Variants in ZFAND3 observed in about 807,000 individuals in gnomAD.
The protein encoded by ZFAND3 is zinc finger AN1-type containing 3, also known as AN1-type zinc finger protein 3.
Under a neutral mutation model 29.6 loss-of-function variants are expected in ZFAND3, and 10 were observed. That is an observed-to-expected ratio of 0.34 (90% CI 0.21 to 0.57). ZFAND3 has a LOEUF of 0.57. Ranked by LOEUF, ZFAND3 falls within the 20% of genes least tolerant of loss-of-function variation. ZFAND3 has a pLI of 0.86. For synonymous variants in ZFAND3, 128 were observed against 112.6 expected (o/e 1.14, Z -0.87); for missense variants, 230 against 304.5 (o/e 0.76, Z 1.82).
chr6:37,848,874 A>G lies in ZFAND3; in HGVS notation c.71+28858A>G, dbSNP rs73730820. On this transcript the variant is annotated intron_variant, in intron 1 of 5. Coordinates refer to ENST00000287218, the MANE Select transcript of ZFAND3 (RefSeq NM_021943.3). ...GCTGAAGACAATTATAGACAGGCAT[A>G]AGAGAATTGTTGAGAGAGCTGTCAG... Among the ~76,000 whole-genome samples, 807 of 152,294 alleles carry G rather than the reference A, an allele frequency of 5.3e-3. 11 individuals carry two copies. The highest frequency in any genetic ancestry group is 0.018 in the African/African-American group (749 of 41,560).
chr6:37,974,447 C>CA (rs1762446499), intron 2 of ZFAND3, among the ~76,000 whole-genome samples: 1 of 125,076 alleles, frequency 8.0e-6, no homozygotes, highest in Admixed American at 9.8e-5. Context: ...CTGTGTTGTT[C>CA]AGGCTGGAGG....
chr6:37,931,217 TTG>T (rs1761588617), intron 2 of ZFAND3, among the ~76,000 whole-genome samples: 6 of 152,096 alleles, frequency 3.9e-5, no homozygotes, highest in Admixed American at 1.3e-4. Flanking sequence ...GGATTCACAG[TTG>T]TAAGCCCTTT....
In ZFAND3 at chr6:38,144,184, A is replaced by ATATATATATATT. The variant is rs66561715; in HGVS notation, c.530-8051_530-8050insTATATATATATT. On this transcript the variant is annotated intron_variant, in intron 5 of 5. Coordinates refer to ENST00000287218, the MANE Select transcript of ZFAND3 (RefSeq NM_021943.3). ...CTAGAAAAATGTGATATATATATAT[A>ATATATATATATT]ATATATATATATATATATATATATA... is the stretch of plus-strand genomic sequence containing the variant. Among the ~76,000 whole-genome samples, 64 of 42,524 alleles carry ATATATATATATT rather than the reference A, an allele frequency of 1.5e-3. 1 individual carries two copies. Among genetic ancestry groups the ATATATATATATT allele is most frequent in the East Asian group, 3.9e-3 (7 of 1,804 alleles). The allele number at this position is 42,524 out of a possible 152,430, so 27.9% of individuals were successfully genotyped here.
intron 4 of ZFAND3, among the ~76,000 whole-genome samples, chr6:38,112,288 C>G (rs921921895): frequency 6.6e-6 from 1 of 151,518 alleles, no homozygotes; most frequent in Admixed American, 6.6e-5. Flanking sequence ...TAAAAGCATA[C>G]TGGAAAAAAA....
intron 5 of ZFAND3, among the ~76,000 whole-genome samples, chr6:38,129,886 CTGAATT>C: frequency 6.6e-6 from 1 of 151,502 alleles, no homozygotes; most frequent in East Asian, 1.9e-4. Flanking sequence ...GAGAATTGCA[CTGAATT>C]TGTAGATTGC....
chr6:38,031,218 C>T (rs777172545), intron 2 of ZFAND3, among the ~76,000 whole-genome samples: 15 of 152,074 alleles, frequency 9.9e-5, no homozygotes, highest in Non-Finnish European at 1.9e-4. Flanking sequence ...TTTGGGTCCC[C>T]TCTTTTTCAA....
chr6:38,139,441 T>G (rs1436358484), intron 5 of ZFAND3, among the ~76,000 whole-genome samples: 1 of 152,144 alleles, frequency 6.6e-6, no homozygotes, highest in Non-Finnish European at 1.5e-5. Flanking sequence ...AAGGAAAAGT[T>G]CAAGATGCCT....
intron 4 of ZFAND3, chr6:38,088,320 T>C (rs910911893): frequency 3.3e-5 from 5 of 152,186 alleles, no homozygotes; most frequent in African/African-American, 1.2e-4. Context: ...TTCTCTTTTA[T>C]TTGTGGGATC....
At chr6:38,090,675 TCTA>T (rs1226052506) in intron 4 of ZFAND3, among the ~76,000 whole-genome samples, 1 of 152,222 alleles carries the variant, frequency 6.6e-6, no homozygotes, top group Non-Finnish European at 1.5e-5. Flanking sequence ...AGGGAAATAA[TCTA>T]CTAATTGCTT....
At chr6:37,906,490 G>A (rs1765409571) in intron 1 of ZFAND3, among the ~76,000 whole-genome samples, 2 of 152,060 alleles carry the variant, frequency 1.3e-5, no homozygotes, top group Admixed American at 6.6e-5. Context: ...GAGCTGCCAC[G>A]AACATGCATG....
chr6:38,144,211 A>ATAAT (rs70981524), intron 5 of ZFAND3, among the ~76,000 whole-genome samples: 2 of 45,880 alleles, frequency 4.4e-5, no homozygotes, highest in Admixed American at 2.3e-4. Flanking sequence ...ATATATATAT[A>ATAAT]ATATATAATA....
chr6:38,107,504 T>C (rs555467992), intron 4 of ZFAND3, among the ~76,000 whole-genome samples: 1 of 152,326 alleles, frequency 6.6e-6, no homozygotes, highest in East Asian at 1.9e-4. Flanking sequence ...ACATTTCTGG[T>C]TCTGAATGTG....
intron 2 of ZFAND3, among the ~76,000 whole-genome samples, chr6:38,039,447 A>C (rs1763718988): frequency 6.6e-6 from 1 of 152,190 alleles, no homozygotes; most frequent in Non-Finnish European, 1.5e-5. Context: ...TGGGTTGTAA[A>C]GGATTTATAA....
intron 1 of ZFAND3, among the ~76,000 whole-genome samples, chr6:37,887,660 T>C (rs1323700991): frequency 6.6e-6 from 1 of 152,230 alleles, no homozygotes; most frequent in Non-Finnish European, 1.5e-5. Context: ...GCAACTGTCG[T>C]AAATATACCA....
intron 1 of ZFAND3, among the ~76,000 whole-genome samples, chr6:37,925,720 G>T (rs938754102): frequency 1.4e-4 from 18 of 132,074 alleles, no homozygotes; most frequent in Non-Finnish European, 9.9e-5. Flanking sequence ...AAAAAAAAAA[G>T]GTTTCTAGAT....
intron 4 of ZFAND3, among the ~76,000 whole-genome samples, chr6:38,101,736 T>C (rs181610059): frequency 2.5e-4 from 32 of 129,602 alleles, no homozygotes; most frequent in African/African-American, 8.2e-4. Flanking sequence ...ATCGTGCCAC[T>C]GTACTCCAGC....
chr6:37,846,175 C>T (rs1292114307), intron 1 of ZFAND3, among the ~76,000 whole-genome samples: 4 of 152,154 alleles, frequency 2.6e-5, no homozygotes, highest in African/African-American at 4.8e-5. Flanking sequence ...AGGGTTGAGG[C>T]CATCTCAGTC....
chr6:38,036,698 TAAG>T (rs1202987727), intron 2 of ZFAND3, among the ~76,000 whole-genome samples: 1 of 152,194 alleles, frequency 6.6e-6, no homozygotes, highest in Admixed American at 6.5e-5. Flanking sequence ...AATAGAGACT[TAAG>T]AAACTAACTT....
At chr6:37,933,033 T>A (rs1323705458) in intron 2 of ZFAND3, among the ~76,000 whole-genome samples, 2 of 152,194 alleles carry the variant, frequency 1.3e-5, no homozygotes, top group Non-Finnish European at 2.9e-5. Context: ...TTGGATGTCA[T>A]CTCAGTATGA....
Sources: gnomAD v4.1 joint callset for allele counts (sites outside exome capture counted in the v4.1 genomes callset) on GRCh38, gnomAD v4.1.1 for gene constraint, MANE v1.5 for transcripts, NCBI Gene and HGNC (gene_info 2026-07-23, HGNC 2026-07-21) for gene names.